HDHD2: variants seen among roughly 807,000 people sequenced by gnomAD.
HDHD2 encodes the protein haloacid dehalogenase-like hydrolase domain-containing protein 2.
HDHD2 carries 26 observed loss-of-function variants against 24.8 expected under a neutral mutation model. The observed-to-expected ratio is 1.05, with a 90% CI of 0.77 to 1.45. The LOEUF (loss-of-function observed/expected upper bound fraction) is 1.45. Among genes scored for constraint, HDHD2 ranks in the 40% most tolerant of loss-of-function variants. The pLI, the probability that HDHD2 is intolerant of heterozygous loss-of-function variation, is 0.00. For synonymous variants in HDHD2, 128 were observed against 114.9 expected, an observed-to-expected ratio of 1.11 and a Z score of -0.73; for missense variants, 299 against 313.4, an observed-to-expected ratio of 0.95 and a Z score of 0.35.
rs1226882723 is a variant in HDHD2 at position 47,131,326 on chromosome 18, T to C, written c.311-998A>G. Reference sequence around the variant, plus strand: ...GATTAAAGGTTCCATGGATTATCCATATGCCAATTCCTATTTGCCTCTCTT... The same window carrying C: ...GATTAAAGGTTCCATGGATTATCCACATGCCAATTCCTATTTGCCTCTCTT... On this transcript the variant is annotated intron_variant, in intron 3 of 6. Transcript: ENST00000300605. Among the ~76,000 whole-genome samples the C allele has an allele frequency of 2.0e-5, 3 of 152,320 alleles. No homozygotes were observed. In the East Asian group the frequency reaches 5.8e-4, roughly 29 times the overall value.
At chr18:47,122,959 C>CA (rs2063621236) in intron 4 of HDHD2, among the ~76,000 whole-genome samples, 2 of 152,004 alleles carry the variant, frequency 1.3e-5, no homozygotes, top group Non-Finnish European at 2.9e-5. Flanking sequence ...AAGAAATACT[C>CA]AAAGTGGTAA....
At chr18:47,148,124 G>A (rs2063891860) in intron 1 of HDHD2, among the ~76,000 whole-genome samples, 1 of 151,860 alleles carries the variant, frequency 6.6e-6, no homozygotes, top group East Asian at 1.9e-4. Flanking sequence ...CCAAGTAGCT[G>A]GAACCACAGG....
intron 3 of HDHD2, among the ~76,000 whole-genome samples, chr18:47,131,960 T>C (rs958229998): frequency 6.6e-6 from 1 of 152,202 alleles, no homozygotes; most frequent in Non-Finnish European, 1.5e-5. Context: ...GGCTGGTTTT[T>C]CACTTAATCG....
In HDHD2 at chr18:47,136,368, A is replaced by G. The variant is rs1379097047; in HGVS notation, c.72T>C (p.Ala24=). The G allele has an allele frequency of 6.2e-7, 1 of 1,613,676 alleles. No individual in the cohort carries two copies. Among genetic ancestry groups the G allele is most frequent in the Non-Finnish European group, 8.5e-7 (1 of 1,179,966 alleles). The change falls in exon 2 of 7, where the codon GCT becomes GCC. Residue 24 remains alanine (A), a synonymous_variant. Coordinates refer to ENST00000300605, the MANE Select transcript of HDHD2 (RefSeq NM_032124.5). ...LSGTLHIEDA[A]VPGAQEALKR... Reference sequence around the variant, plus strand: ...TAAGAGCTTCCTGTGCGCCTGGCACAGCTGCATCTTCAATGTGAAGTGTGC... The same window carrying G: ...TAAGAGCTTCCTGTGCGCCTGGCACGGCTGCATCTTCAATGTGAAGTGTGC...
At chr18:47,128,758 C>G (rs1340337435) in intron 4 of HDHD2, among the ~76,000 whole-genome samples, 1 of 152,198 alleles carries the variant, frequency 6.6e-6, no homozygotes, top group Non-Finnish European at 1.5e-5. Flanking sequence ...TTAATGTGCA[C>G]ACACGGTAAA....
intron 6 of HDHD2, chr18:47,111,280 T>C (rs1204360935): frequency 3.0e-6 from 3 of 983,694 alleles, no homozygotes; most frequent in Non-Finnish European, 2.4e-6. Flanking sequence ...ACAGAGCCAG[T>C]GGAGACCAGC....
intron 1 of HDHD2, among the ~76,000 whole-genome samples, chr18:47,138,271 T>C (rs991166806): frequency 1.3e-5 from 2 of 148,334 alleles, no homozygotes; most frequent in Non-Finnish European, 3.0e-5. Flanking sequence ...CCATTAGTAA[T>C]GGGACAAACC....
At chr18:47,128,708 C>T (rs2144333024) in intron 4 of HDHD2, among the ~76,000 whole-genome samples, 1 of 152,280 alleles carries the variant, frequency 6.6e-6, no homozygotes, top group East Asian at 1.9e-4. Context: ...AATAAAAGTG[C>T]ATTAAGTAGT....
chr18:47,113,754 T>A (rs1261863772), intron 5 of HDHD2, among the ~76,000 whole-genome samples: 1 of 152,198 alleles, frequency 6.6e-6, no homozygotes, highest in Non-Finnish European at 1.5e-5. Context: ...AAGAAAGTTT[T>A]TTTTTTTCCT....
At chr18:47,134,297 T>C (rs2063742085) in intron 3 of HDHD2, 199 bp downstream of exon 3, 1 of 596,318 alleles carries the variant, frequency 1.7e-6, no homozygotes. Flanking sequence ...TAGGTTACTA[T>C]GTAATGTGTT....
intron 5 of HDHD2, among the ~76,000 whole-genome samples, chr18:47,113,273 G>T (rs930156679): frequency 1.3e-5 from 2 of 152,160 alleles, no homozygotes; most frequent in Non-Finnish European, 2.9e-5. Context: ...TAGTAATCCT[G>T]GTAACCAAAC....
chr18:47,128,421 A>T (rs2063680782), intron 4 of HDHD2, among the ~76,000 whole-genome samples: 1 of 152,242 alleles, frequency 6.6e-6, no homozygotes, highest in Non-Finnish European at 1.5e-5. Flanking sequence ...ATTCCGTTTC[A>T]AATGAAAACT....
At chr18:47,139,438 C>G (rs1045127044) in intron 1 of HDHD2, among the ~76,000 whole-genome samples, 1 of 134,068 alleles carries the variant, frequency 7.5e-6, no homozygotes, top group African/African-American at 3.0e-5. Context: ...GCACTCCAGC[C>G]TGGGTGACAG....
chr18:47,146,483 G>A (rs1035588914), intron 1 of HDHD2, among the ~76,000 whole-genome samples: 1 of 152,080 alleles, frequency 6.6e-6, no homozygotes, highest in Non-Finnish European at 1.5e-5. Flanking sequence ...CTGGCAGTTC[G>A]GCACTTCCAA....
chr18:47,129,815 G>T (rs1388124804), intron 4 of HDHD2, among the ~76,000 whole-genome samples: 1 of 152,194 alleles, frequency 6.6e-6, no homozygotes, highest in Admixed American at 6.5e-5. Context: ...GCACACGCCT[G>T]TAATTCCAGC....
intron 6 of HDHD2, chr18:47,111,248 A>G: frequency 6.1e-6 from 6 of 985,306 alleles, no homozygotes; most frequent in Non-Finnish European, 7.2e-6. Flanking sequence ...TGGTCACAAT[A>G]AAATGCCAGT....
At chr18:47,131,214 T>C (rs1404848814) in intron 3 of HDHD2, among the ~76,000 whole-genome samples, 1 of 152,124 alleles carries the variant, frequency 6.6e-6, no homozygotes. Flanking sequence ...TGACCTCAGG[T>C]GATCCACCCG....
chr18:47,138,266 A>G (rs528628845), intron 1 of HDHD2, among the ~76,000 whole-genome samples: 1 of 151,750 alleles, frequency 6.6e-6, no homozygotes, highest in African/African-American at 2.4e-5. Context: ...TAACACCATT[A>G]GTAATGGGAC....
At chr18:47,146,851 TGATTACCCTCCAGAG>T (rs1245568624) in intron 1 of HDHD2, among the ~76,000 whole-genome samples, 1 of 152,118 alleles carries the variant, frequency 6.6e-6, no homozygotes, top group Non-Finnish European at 1.5e-5. Flanking sequence ...GTGGGGATAA[TGATTACCCTCCAGAG>T]GACAGGAAGC....
Sources: allele counts gnomAD v4.1 joint callset (sites outside exome capture counted in the v4.1 genomes callset), GRCh38; gene constraint gnomAD v4.1.1; transcripts MANE v1.5; gene names NCBI Gene and HGNC (gene_info 2026-07-23, HGNC 2026-07-21).